Variants in SEC14L5 observed in about 807,000 individuals in gnomAD.
SEC14L5 encodes the protein SEC14 like lipid binding 5.
SEC14L5 carries 96 observed loss-of-function variants against 84.6 expected under a neutral mutation model. That is an observed-to-expected ratio of 1.13 (90% CI 0.96 to 1.34). The LOEUF is 1.34. Ranked by LOEUF, SEC14L5 falls within the 40% of genes most tolerant of loss-of-function variation. SEC14L5 has a pLI of 0.00. For missense variants in SEC14L5, 1,224 were observed against 942.5 expected (o/e 1.30, Z -3.91); for synonymous variants, 546 against 383.4 (o/e 1.42, Z -4.95).
intron 6 of SEC14L5, among the ~76,000 whole-genome samples, chr16:4,995,881 C>T (rs1402401705): frequency 2.0e-5 from 3 of 152,142 alleles, no homozygotes; most frequent in East Asian, 1.9e-4. Context: ...CTGCCGTGGG[C>T]TCCCAAAGTC....
chr16:4,991,051 T>A (rs1251430938), intron 5 of SEC14L5, among the ~76,000 whole-genome samples, 156 bp downstream of exon 5: 2 of 151,660 alleles, frequency 1.3e-5, no homozygotes, highest in East Asian at 3.9e-4. Context: ...CACGAGATAA[T>A]GGATGGAAAG....
At chr16:4,984,198 A>G (rs73510415) in intron 2 of SEC14L5, among the ~76,000 whole-genome samples, 2,904 of 151,918 alleles carry the variant, frequency 0.019, 89 homozygotes, top group African/African-American at 0.066. Context: ...CTCTTTCCTC[A>G]CCACTCCTGG....
intron 2 of SEC14L5, among the ~76,000 whole-genome samples, chr16:4,970,435 C>T (rs565906689): frequency 1.7e-4 from 26 of 152,300 alleles, no homozygotes; most frequent in Admixed American, 3.9e-4. Flanking sequence ...AAGTGGCTGG[C>T]AGCGTCATCA....
chr16:4,988,265 G>A lies in SEC14L5; in HGVS notation c.330G>A (p.Glu110=). 1.2e-6 allele frequency: 2 copies of A among 1,613,766 alleles called. No homozygotes were observed. The highest frequency in any genetic ancestry group is 1.7e-6 in the Non-Finnish European group (2 of 1,179,768). Reference sequence around the variant, plus strand: ...TCGCCAACCGCGTGGTGGTGAACGAGCACTGCAGCTACACGGTGAGCCCAG... The same window carrying A: ...TCGCCAACCGCGTGGTGGTGAACGAACACTGCAGCTACACGGTGAGCCCAG... ...ETFANRVVVN[E]HCSYTVHPEN... The change falls in exon 4 of 16, where the codon GAG becomes GAA. Residue 110 remains glutamate (E), a synonymous_variant. Transcript: ENST00000251170.
At chr16:4,983,327 A>G (rs998861206) in intron 2 of SEC14L5, among the ~76,000 whole-genome samples, 3 of 151,450 alleles carry the variant, frequency 2.0e-5, no homozygotes, top group Non-Finnish European at 4.4e-5. Context: ...CCATATATTT[A>G]TATATGGAAT....
intron 14 of SEC14L5, among the ~76,000 whole-genome samples, chr16:5,009,118 T>G (rs1332223865): frequency 6.6e-6 from 1 of 152,174 alleles, no homozygotes; most frequent in Non-Finnish European, 1.5e-5. Context: ...AGGGGTTCAT[T>G]CTATGCCTCT....
intron 8 of SEC14L5, among the ~76,000 whole-genome samples, chr16:4,998,537 G>C (rs1379203193): frequency 1.3e-5 from 2 of 149,224 alleles, no homozygotes; most frequent in Non-Finnish European, 3.0e-5. Context: ...AGGAGATCGA[G>C]ACCATCCCGG....
At chr16:4,976,472 A>C (rs755452071) in intron 2 of SEC14L5, among the ~76,000 whole-genome samples, 2 of 152,252 alleles carry the variant, frequency 1.3e-5, no homozygotes. Flanking sequence ...GTGATGTATG[A>C]AGCAATAAAA....
At chr16:4,959,486 G>C in intron 2 of SEC14L5, 100 bp downstream of exon 2, 5 of 1,003,990 alleles carry the variant, frequency 5.0e-6, no homozygotes, top group Non-Finnish European at 6.3e-6. Flanking sequence ...TCCCAGATCA[G>C]AAGGAATTAG....
intron 6 of SEC14L5, among the ~76,000 whole-genome samples, chr16:4,994,956 T>C (rs932650964): frequency 5.3e-5 from 8 of 152,160 alleles, no homozygotes; most frequent in African/African-American, 1.4e-4. Flanking sequence ...CCGGCCTCTC[T>C]CGTTTTTCTC....
intron 14 of SEC14L5, among the ~76,000 whole-genome samples, chr16:5,010,738 C>G (rs986466558): frequency 6.6e-6 from 1 of 152,206 alleles, no homozygotes; most frequent in African/African-American, 2.4e-5. Context: ...CCTGTGAGCT[C>G]CCGGCCCAAA....
intron 2 of SEC14L5, among the ~76,000 whole-genome samples, chr16:4,963,870 A>C (rs1955160701): frequency 6.6e-6 from 1 of 152,052 alleles, no homozygotes; most frequent in Non-Finnish European, 1.5e-5. Flanking sequence ...ATACTTTTAT[A>C]GAAATGAGGT....
intron 15 of SEC14L5, 119 bp from the exon 16 acceptor site, chr16:5,014,740 C>T (rs1464316992): frequency 2.4e-5 from 17 of 695,452 alleles, no homozygotes; most frequent in Non-Finnish European, 3.2e-5. Flanking sequence ...TTTCCCTTTG[C>T]ATCGGCCTGG....
intron 1 of SEC14L5, among the ~76,000 whole-genome samples, chr16:4,958,962 G>C (rs1213632469): frequency 6.6e-6 from 1 of 151,912 alleles, no homozygotes; most frequent in Non-Finnish European, 1.5e-5. Flanking sequence ...TGTAAGAATT[G>C]CAAATGTGTG....
At chr16:4,990,431 C>T (rs111738439) in intron 4 of SEC14L5, among the ~76,000 whole-genome samples, 3 of 152,296 alleles carry the variant, frequency 2.0e-5, no homozygotes, top group African/African-American at 4.8e-5. Flanking sequence ...CCAAAGTGCT[C>T]GGATTACAGG....
rs1241207691 is a variant in SEC14L5, at chr16:5,017,496, G to GC, written c.*2530dup. 13 of 152,266 alleles carry GC rather than the reference G, an allele frequency of 8.5e-5. No individual in the cohort carries two copies. Among genetic ancestry groups the GC allele is most frequent in the African/African-American group, 3.1e-4 (13 of 41,460 alleles). The allele number at this position is 152,266 out of a possible 1,614,324, so 9.4% of individuals were successfully genotyped here. A position where few individuals can be genotyped will look rare whatever the true frequency, so the allele number is the denominator to read the frequency against. ...CTGGCGGGAAAGATGGCTGCCAGCA[G>GC]CCCCAAGCCTATAATTTCAGGATTC... On this transcript the variant is annotated 3_prime_UTR_variant, in exon 16 of 16. Transcript: ENST00000251170.
At chr16:4,995,120 T>C (rs529501905) in intron 6 of SEC14L5, among the ~76,000 whole-genome samples, 2 of 152,186 alleles carry the variant, frequency 1.3e-5, no homozygotes, top group African/African-American at 2.4e-5. Context: ...CTGTGGGCTT[T>C]TCTGTTTTGG....
intron 2 of SEC14L5, among the ~76,000 whole-genome samples, chr16:4,973,647 C>T (rs188798513): frequency 6.6e-6 from 1 of 151,446 alleles, no homozygotes; most frequent in African/African-American, 2.4e-5. Context: ...AGGCAGAAGG[C>T]CATGTCTTAT....
chr16:4,984,612 CTG>C (rs1047672158), intron 2 of SEC14L5, among the ~76,000 whole-genome samples: 1 of 152,206 alleles, frequency 6.6e-6, no homozygotes, highest in Non-Finnish European at 1.5e-5. Flanking sequence ...AACTGCCACA[CTG>C]TTTTCCAAAG....
Sources: gnomAD v4.1 joint callset for allele counts (sites outside exome capture counted in the v4.1 genomes callset) on GRCh38, gnomAD v4.1.1 for gene constraint, MANE v1.5 for transcripts, NCBI Gene and HGNC (gene_info 2026-07-23, HGNC 2026-07-21) for gene names.